TNS3: variants seen among roughly 807,000 people sequenced by gnomAD.
The protein encoded by TNS3 is tensin-3.
TNS3 carries 45 observed loss-of-function variants against 140.9 expected under a neutral mutation model. That is an observed-to-expected ratio of 0.32 (90% CI 0.25 to 0.41). The LOEUF (loss-of-function observed/expected upper bound fraction) is 0.41. Ranked by LOEUF, TNS3 falls within the 10% of genes least tolerant of loss-of-function variation. TNS3 has a pLI of 1.00. For synonymous variants in TNS3, 815 were observed against 788.4 expected (o/e 1.03, Z -0.56); for missense variants, 1,716 against 1,906.7 (o/e 0.90, Z 1.86).
At chr7:47,415,314 G>C in intron 10 of TNS3, 108 bp from the exon 11 acceptor site, 1 of 733,546 alleles carries the variant, frequency 1.4e-6, no homozygotes, top group Non-Finnish European at 2.2e-6. Flanking sequence ...CTCTGGGAGA[G>C]AATCGGTCCA....
intron 4 of TNS3, among the ~76,000 whole-genome samples, chr7:47,447,140 G>A (rs1795784565): frequency 6.6e-6 from 1 of 150,906 alleles, no homozygotes; most frequent in Non-Finnish European, 1.5e-5. Flanking sequence ...AACACTTGGA[G>A]GTCATCCCAG....
At chr7:47,420,824 A>T (rs1270427633) in intron 10 of TNS3, among the ~76,000 whole-genome samples, 3 of 152,200 alleles carry the variant, frequency 2.0e-5, no homozygotes, top group Non-Finnish European at 4.4e-5. Context: ...TCTTCTGAGC[A>T]GGCAAGAATT....
intron 20 of TNS3, among the ~76,000 whole-genome samples, chr7:47,330,265 C>T (rs1788260727): frequency 6.6e-6 from 1 of 152,102 alleles, no homozygotes; most frequent in African/African-American, 2.4e-5. Context: ...GGACAGCCCA[C>T]CCCACCAGCC....
chr7:47,562,060 G>A (rs1800327772), intron 1 of TNS3, among the ~76,000 whole-genome samples: 1 of 152,220 alleles, frequency 6.6e-6, no homozygotes, highest in Admixed American at 6.5e-5. Context: ...AGCCCAAGGT[G>A]GCAAGTAATT....
chr7:47,406,882 G>GA (rs1793480087), intron 13 of TNS3, among the ~76,000 whole-genome samples: 1 of 152,158 alleles, frequency 6.6e-6, no homozygotes, highest in Non-Finnish European at 1.5e-5. Flanking sequence ...AAAACTGAAG[G>GA]AAGGGCAAAG....
chr7:47,519,816 C>CTT (rs34418629), intron 2 of TNS3, among the ~76,000 whole-genome samples: 32,169 of 74,752 alleles, frequency 0.43, 10,029 homozygotes, highest in South Asian at 0.59. Context: ...CCTCACATTT[C>CTT]TTTTTTTTTT....
At chr7:47,453,289 G>T in intron 4 of TNS3, 1 of 981,338 alleles carries the variant, frequency 1.0e-6, no homozygotes, top group Non-Finnish European at 1.2e-6. Context: ...CGCTCTCCGG[G>T]AGAGCCTTCT....
intron 13 of TNS3, among the ~76,000 whole-genome samples, chr7:47,410,030 C>T (rs1793679856): frequency 1.3e-5 from 2 of 152,180 alleles, no homozygotes; most frequent in African/African-American, 2.4e-5. Context: ...TGAACATAGC[C>T]GGTGCTCAAT....
In TNS3 at chr7:47,415,276, G is replaced by C. The variant is rs1463081970; in HGVS notation, c.474-70C>G. On this transcript the variant is annotated intron_variant, in intron 10 of 30. Transcript: ENST00000311160. ...GCCTCTGCTGAGAAGGGAACTCAAG[G>C]AGAAACACATCCTGGCTGAGTCTGG... 9.2e-6 allele frequency: 10 copies of C among 1,087,130 alleles called. No individual in the cohort carries two copies. The South Asian group carries it at 1.5e-4, about 16-fold the overall frequency. The allele number at this position is 1,087,130 out of a possible 1,614,324, so 67.3% of individuals were successfully genotyped here.
intron 1 of TNS3, among the ~76,000 whole-genome samples, chr7:47,578,837 C>T (rs1784460664): frequency 6.6e-6 from 1 of 152,210 alleles, no homozygotes; most frequent in Non-Finnish European, 1.5e-5. Flanking sequence ...GAGCTGCACT[C>T]GAAAAGCCCC....
At chr7:47,485,977 T>TG (rs1211487429) in intron 3 of TNS3, among the ~76,000 whole-genome samples, 1 of 151,298 alleles carries the variant, frequency 6.6e-6, no homozygotes, top group African/African-American at 2.4e-5. Flanking sequence ...TGTGTGAATG[T>TG]GGGTGAGTGT....
rs538602635 is a variant in TNS3 at position 47,350,256 on chromosome 7, C to T, written c.2282-3900G>A. Among the ~76,000 whole-genome samples the T allele has an allele frequency of 3.9e-5, 6 of 152,312 alleles. No individual in the cohort carries two copies. In the South Asian group the frequency reaches 1.2e-3, roughly 32 times the overall value. The stretch of plus-strand genomic sequence containing the variant: ...TACCCTCATCCTGCTGAGGAAGGGG[C>T]ACTCTTCCTCCCGGACATGTCCTGA... On this transcript the variant is annotated intron_variant, in intron 17 of 30. Transcript: ENST00000311160.
intron 16 of TNS3, among the ~76,000 whole-genome samples, chr7:47,386,616 T>C (rs1320736111): frequency 6.6e-6 from 1 of 152,216 alleles, no homozygotes; most frequent in Non-Finnish European, 1.5e-5. Context: ...TCTAGGTATA[T>C]GGCTGTGCTG....
chr7:47,549,451 C>A (rs577480711), intron 1 of TNS3, among the ~76,000 whole-genome samples: 1 of 151,990 alleles, frequency 6.6e-6, no homozygotes, highest in Non-Finnish European at 1.5e-5. Flanking sequence ...GCTGAGATCA[C>A]GCCACTGCAC....
chr7:47,283,765 T>A lies in TNS3; in HGVS notation c.4029A>T (p.Pro1343=), dbSNP rs1216148713. The change falls in exon 28 of 31, where the codon CCA becomes CCT. Residue 1343 remains proline, a synonymous_variant. Coordinates refer to ENST00000311160, the MANE Select transcript of TNS3 (RefSeq NM_022748.12). ...ALSITLVQEP[P]PVSTVVHFKV... ...TGAAGTGCACAACTGTGGACACAGGTGGAGGCTCCTGGACCAGGGTGATGC... is the reference window on the plus strand; with the variant it reads ...TGAAGTGCACAACTGTGGACACAGGAGGAGGCTCCTGGACCAGGGTGATGC... The A allele has an allele frequency of 6.2e-7, 1 of 1,611,588 alleles. No individual in the cohort carries two copies. The highest frequency in any genetic ancestry group is 1.3e-5 in the African/African-American group (1 of 74,934).
intron 2 of TNS3, among the ~76,000 whole-genome samples, chr7:47,507,577 C>T (rs1335735744): frequency 3.3e-5 from 5 of 152,120 alleles, no homozygotes; most frequent in Non-Finnish European, 7.4e-5. Context: ...GTGAACGGAG[C>T]GAGTCCTGTG....
intron 17 of TNS3, among the ~76,000 whole-genome samples, chr7:47,360,990 G>T (rs1584479455): frequency 6.6e-6 from 1 of 151,888 alleles, no homozygotes; most frequent in African/African-American, 2.4e-5. Context: ...TTCTTCCAAT[G>T]TCCAGCTGCT....
At chr7:47,292,775 C>T in intron 26 of TNS3, 53 bp downstream of exon 26, 4 of 1,492,992 alleles carry the variant, frequency 2.7e-6, no homozygotes, top group African/African-American at 1.4e-5. Flanking sequence ...AAACCGGTGG[C>T]CTTGACTGCA....
chr7:47,537,966 A>ACCCCCCCCCCCCCCCCCCCCC (rs113842617), intron 1 of TNS3, among the ~76,000 whole-genome samples: 6 of 126,234 alleles, frequency 4.8e-5, no homozygotes, highest in Admixed American at 1.6e-4. Context: ...CCCTCACCGC[A>ACCCCCCCCCCCCCCCCCCCCC]CCCCCCCCAC....
Sources: allele counts gnomAD v4.1 joint callset (sites outside exome capture counted in the v4.1 genomes callset), GRCh38; gene constraint gnomAD v4.1.1; transcripts MANE v1.5; gene names NCBI Gene and HGNC (gene_info 2026-07-23, HGNC 2026-07-21).